The following IGFBP7 variants were observed in gnomAD, a reference collection of about 807,000 sequenced individuals.
IGFBP7 encodes insulin like growth factor binding protein 7, also known as insulin-like growth factor-binding protein 7.
A neutral mutation model predicts 29.4 loss-of-function variants in IGFBP7; 31 were observed. That is an observed-to-expected ratio of 1.05 (90% CI 0.79 to 1.42). The LOEUF (loss-of-function observed/expected upper bound fraction) is 1.42, where lower values mean the gene tolerates loss of function less well. Among genes scored for constraint, IGFBP7 ranks in the 40% most tolerant of loss-of-function variants. The pLI is 0.00. For synonymous variants in IGFBP7, 172 were observed against 174.9 expected (o/e 0.98, Z 0.13); for missense variants, 393 against 395.5 (o/e 0.99, Z 0.05).
At chr4:57,037,841 G>A (rs1216944118) in intron 2 of IGFBP7, among the ~76,000 whole-genome samples, 1 of 151,992 alleles carries the variant, frequency 6.6e-6, no homozygotes, top group Non-Finnish European at 1.5e-5. Flanking sequence ...GGTATTCCTC[G>A]GAACATTATT....
intron 1 of IGFBP7, among the ~76,000 whole-genome samples, chr4:57,087,328 A>G (rs1401374806): frequency 1.3e-5 from 2 of 152,224 alleles, no homozygotes; most frequent in Admixed American, 6.5e-5. Flanking sequence ...GCAGGTCAAT[A>G]TGCAGCATGA....
intron 1 of IGFBP7, among the ~76,000 whole-genome samples, chr4:57,050,235 T>A (rs1724468950): frequency 6.8e-6 from 1 of 147,266 alleles, no homozygotes; most frequent in Non-Finnish European, 1.5e-5. Context: ...TTTATTTTAT[T>A]TTTATTTAAG....
intron 2 of IGFBP7, among the ~76,000 whole-genome samples, chr4:57,039,008 T>TGAGCC (rs1360463804): frequency 2.2e-5 from 3 of 137,254 alleles, no homozygotes; most frequent in Non-Finnish European, 4.5e-5. Flanking sequence ...GAGGTTGCGG[T>TGAGCC]GAGCCGAGAT....
At chr4:57,035,853 TCTC>T (rs1724072519) in intron 2 of IGFBP7, among the ~76,000 whole-genome samples, 1 of 152,222 alleles carries the variant, frequency 6.6e-6, no homozygotes, top group East Asian at 1.9e-4. Context: ...AAATGGCACT[TCTC>T]CATTTCTGGT....
At chr4:57,084,041 C>T (rs1578641435) in intron 1 of IGFBP7, among the ~76,000 whole-genome samples, 2 of 152,072 alleles carry the variant, frequency 1.3e-5, no homozygotes, top group South Asian at 4.1e-4. Context: ...CTGAAGGTGT[C>T]CTATACAGTA....
chr4:57,090,796 CT>C (rs1156506370), intron 1 of IGFBP7, among the ~76,000 whole-genome samples: 1 of 152,146 alleles, frequency 6.6e-6, no homozygotes, highest in Non-Finnish European at 1.5e-5. Context: ...TGGCAGTGAG[CT>C]GAGATTGCAC....
intron 1 of IGFBP7, among the ~76,000 whole-genome samples, chr4:57,085,655 C>A (rs1725480279): frequency 1.3e-5 from 2 of 152,126 alleles, no homozygotes; most frequent in Non-Finnish European, 2.9e-5. Flanking sequence ...CTCTCTCTCA[C>A]TCTTCTCTTA....
chr4:57,110,006 G>A lies in IGFBP7; in HGVS notation c.346C>T (p.Arg116Cys), dbSNP rs752311222. Reference protein sequence around the residue: ...GVSGVCVCKSRYPVCGSDGTT... With the variant: ...GVSGVCVCKSCYPVCGSDGTT... ...CCGTCGCTGCCGCACACCGGGTAGC[G>A]GCTCTTGCACACGCACACGCCGCTT... The change falls in exon 1 of 5, where the codon CGC becomes TGC. Residue 116 changes from arginine to cysteine, a missense_variant. Physicochemically the swap from Arg to Cys is radical, Grantham distance 180. Coordinates refer to ENST00000295666, the MANE Select transcript of IGFBP7 (RefSeq NM_001553.3). 1.9e-6 allele frequency: 3 copies of A among 1,548,436 alleles called. No individual in the cohort carries two copies. Among genetic ancestry groups the A allele is most frequent in the Non-Finnish European group, 2.6e-6 (3 of 1,152,846 alleles).
At position 57,045,949 on chromosome 4, in the gene IGFBP7, C is replaced by T. The variant is rs553785455; in HGVS notation, c.476-5016G>A. Among the ~76,000 whole-genome samples the T allele has an allele frequency of 3.6e-4, 55 of 152,196 alleles. 1 individual carries two copies. Among genetic ancestry groups the T allele is most frequent in the Non-Finnish European group, 6.8e-4 (46 of 68,006 alleles). On this transcript the variant is annotated intron_variant, in intron 1 of 4. Coordinates refer to ENST00000295666, the MANE Select transcript of IGFBP7 (RefSeq NM_001553.3). ...CCATGTTGGCCAGGCTGGTCTTGAA[C>T]CCCTGACCTCAGGTGATCTGCCCAC...
intron 1 of IGFBP7, among the ~76,000 whole-genome samples, chr4:57,063,075 C>T (rs1277294): frequency 0.92 from 140,785 of 152,206 alleles, 65,221 homozygotes; most frequent in Middle Eastern, 0.98. Flanking sequence ...GCATGTCTTG[C>T]CCTCCCTAGC....
At chr4:57,065,529 C>T (rs1724898147) in intron 1 of IGFBP7, 1 of 152,242 alleles carries the variant, frequency 6.6e-6, no homozygotes, top group Admixed American at 6.5e-5. Context: ...CAGGCAAACA[C>T]CCCCAAAAGG....
At chr4:57,087,646 A>G (rs188333027) in intron 1 of IGFBP7, among the ~76,000 whole-genome samples, 2 of 152,346 alleles carry the variant, frequency 1.3e-5, no homozygotes, top group East Asian at 3.9e-4. Context: ...CATATTTGAG[A>G]GTTGTTACTA....
intron 1 of IGFBP7, among the ~76,000 whole-genome samples, chr4:57,100,563 T>C (rs1404364674): frequency 3.9e-5 from 6 of 152,236 alleles, no homozygotes; most frequent in East Asian, 3.8e-4. Context: ...ATACAGCATG[T>C]TTATTTTATG....
chr4:57,075,368 C>T (rs1397473044), intron 1 of IGFBP7, among the ~76,000 whole-genome samples: 1 of 152,026 alleles, frequency 6.6e-6, no homozygotes, highest in Non-Finnish European at 1.5e-5. Flanking sequence ...TCATTGTTTC[C>T]TTAATCTGTG....
intron 1 of IGFBP7, among the ~76,000 whole-genome samples, chr4:57,093,891 T>A (rs1230431000): frequency 6.6e-6 from 1 of 152,184 alleles, no homozygotes; most frequent in Non-Finnish European, 1.5e-5. Flanking sequence ...GTCTGCAAAT[T>A]ATAATGTATT....
chr4:57,091,723 C>G (rs182266785), intron 1 of IGFBP7, among the ~76,000 whole-genome samples: 68 of 152,236 alleles, frequency 4.5e-4, no homozygotes, highest in African/African-American at 1.5e-3. Flanking sequence ...ACTGTATTAA[C>G]AGGAATACCT....
intron 1 of IGFBP7, among the ~76,000 whole-genome samples, chr4:57,096,879 GCTA>G (rs1725775035): frequency 1.3e-5 from 2 of 152,172 alleles, no homozygotes; most frequent in African/African-American, 2.4e-5. Flanking sequence ...TTCCTGCTAA[GCTA>G]AGGCTACATG....
At chr4:57,097,578 T>TA (rs1316336528) in intron 1 of IGFBP7, among the ~76,000 whole-genome samples, 2 of 152,298 alleles carry the variant, frequency 1.3e-5, no homozygotes, top group East Asian at 3.9e-4. Context: ...CTAATAACAA[T>TA]AAACATGGAA....
intron 1 of IGFBP7, among the ~76,000 whole-genome samples, chr4:57,054,944 C>T (rs1161563839): frequency 6.6e-6 from 1 of 152,134 alleles, no homozygotes; most frequent in African/African-American, 2.4e-5. Context: ...GTGTTTAGCA[C>T]CACTCTGCCC....
Sources: gnomAD v4.1 joint callset for allele counts (sites outside exome capture counted in the v4.1 genomes callset) on GRCh38, gnomAD v4.1.1 for gene constraint, MANE v1.5 for transcripts, NCBI Gene and HGNC (gene_info 2026-07-23, HGNC 2026-07-21) for gene names.